RASGRP3: variants seen among roughly 807,000 people sequenced by gnomAD.
RASGRP3 encodes RAS guanyl releasing protein 3.
In RASGRP3, 54 loss-of-function variants were observed where a neutral mutation model predicts 82.7. The ratio of observed to expected loss-of-function variants is 0.65; its 90% CI spans 0.52 to 0.82. RASGRP3 has a LOEUF of 0.82. Among genes scored for constraint, RASGRP3 ranks in the 40% least tolerant of loss-of-function variants. RASGRP3 has a pLI of 0.00. For synonymous variants in RASGRP3, 309 were observed against 300.5 expected (o/e 1.03, Z -0.29); for missense variants, 861 against 828.9 (o/e 1.04, Z -0.48).
chr2:33,510,432 A>T (rs1393026592), intron 1 of RASGRP3, among the ~76,000 whole-genome samples: 2 of 152,198 alleles, frequency 1.3e-5, no homozygotes, highest in African/African-American at 4.8e-5. Context: ...GACAGTCATG[A>T]CCTAACTTTG....
intron 1 of RASGRP3, among the ~76,000 whole-genome samples, chr2:33,477,765 T>C (rs934962658): frequency 1.3e-5 from 2 of 152,154 alleles, no homozygotes; most frequent in African/African-American, 4.8e-5. Context: ...GACGTAAAGC[T>C]CTGAAAGTGA....
At chr2:33,515,350 TC>T in intron 3 of RASGRP3, 144 bp downstream of exon 3, 1 of 755,676 alleles carries the variant, frequency 1.3e-6, no homozygotes, top group South Asian at 1.7e-5. Flanking sequence ...GGTCTGTCTC[TC>T]CAGTTTCACT....
intron 1 of RASGRP3, among the ~76,000 whole-genome samples, chr2:33,507,620 G>C (rs1451202173): frequency 6.6e-6 from 1 of 152,200 alleles, no homozygotes; most frequent in African/African-American, 2.4e-5. Flanking sequence ...CCACCTCCCA[G>C]GTTCAGGCGA....
At chr2:33,544,162 A>C (rs1198532941) in intron 13 of RASGRP3, among the ~76,000 whole-genome samples, 2 of 152,066 alleles carry the variant, frequency 1.3e-5, no homozygotes, top group East Asian at 3.9e-4. Context: ...AAAAATACAA[A>C]AATTCACTGG....
chr2:33,450,818 C>CTTTCTTTTTT (rs1254890495), intron 2 of RASGRP3, among the ~76,000 whole-genome samples: 1 of 43,420 alleles, frequency 2.3e-5, no homozygotes, highest in East Asian at 6.7e-4. Flanking sequence ...CTCTTTCTTT[C>CTTTCTTTTTT]TTTCTTTTTT....
chr2:33,532,991 C>G (rs184004087), intron 10 of RASGRP3: 1 of 152,214 alleles, frequency 6.6e-6, no homozygotes, highest in Admixed American at 6.5e-5. Flanking sequence ...CTCTGGCTTC[C>G]TCCTTCTTTC....
chr2:33,542,248 T>G (rs1574467406), intron 12 of RASGRP3, among the ~76,000 whole-genome samples: 1 of 147,646 alleles, frequency 6.8e-6, no homozygotes, highest in East Asian at 1.9e-4. Flanking sequence ...AAAGATACTT[T>G]TTGATAAATT....
chr2:33,523,104 G>A (rs752528920), intron 7 of RASGRP3, among the ~76,000 whole-genome samples: 4 of 151,852 alleles, frequency 2.6e-5, no homozygotes, highest in Admixed American at 6.6e-5. Flanking sequence ...TTATATTTAC[G>A]TTCATTTCCT....
At chr2:33,510,187 G>A (rs929962881) in intron 1 of RASGRP3, among the ~76,000 whole-genome samples, 43 of 152,222 alleles carry the variant, frequency 2.8e-4, no homozygotes, top group African/African-American at 9.9e-4. Flanking sequence ...ACTGCCATTG[G>A]CAGGGAAGGA....
intron 2 of RASGRP3, among the ~76,000 whole-genome samples, chr2:33,455,736 CTA>C (rs1297786884): frequency 6.6e-6 from 1 of 152,146 alleles, no homozygotes; most frequent in East Asian, 1.9e-4. Context: ...TTTGCAGACT[CTA>C]TGAAAGAACG....
intron 1 of RASGRP3, among the ~76,000 whole-genome samples, chr2:33,447,147 C>A (rs1168512290): frequency 1.3e-5 from 2 of 150,598 alleles, no homozygotes; most frequent in Non-Finnish European, 2.9e-5. Flanking sequence ...GTGACCAAGT[C>A]AGGCATGAAT....
In RASGRP3 at chr2:33,509,217, A is replaced by G. The variant is rs545573231; in HGVS notation, c.-260-2493A>G. 7.9e-5 allele frequency among the ~76,000 whole-genome samples: 12 copies of G among 152,210 alleles called. No homozygotes were observed. In the South Asian group the frequency reaches 1.0e-3, roughly 13 times the overall value. On this transcript the variant is annotated intron_variant, in intron 1 of 17. Transcript: ENST00000403687. ...GGAGTTCGAGACCAGCCTGGCCGAC[A>G]TGGGGAAATGTCCGTTTCTACTAAA...
At chr2:33,517,408 G>A (rs553450629) in intron 4 of RASGRP3, among the ~76,000 whole-genome samples, 1 of 152,306 alleles carries the variant, frequency 6.6e-6, no homozygotes, top group African/African-American at 2.4e-5. Flanking sequence ...ATGAGGCCCT[G>A]GAGATGAGTG....
chr2:33,530,787 T>A (rs1673045460), intron 10 of RASGRP3: 1 of 152,240 alleles, frequency 6.6e-6, no homozygotes, highest in Admixed American at 6.5e-5. Context: ...GCCCCTTGAA[T>A]ACGGCACCAG....
At position 33,515,070 on chromosome 2, in the gene RASGRP3, A is replaced by G. The variant is rs1574393741; in HGVS notation, c.-67A>G. On this transcript the variant is annotated 5_prime_UTR_variant, in exon 3 of 18. The change abolishes an upstream ATG in the 5' untranslated region. Transcript: ENST00000403687. The stretch of plus-strand genomic sequence containing the variant: ...CTAGGCACTAACATCGCTGACTTGC[A>G]TGATTATGGAGATGGTCTATCTGAT... The G allele has an allele frequency of 2.7e-6, 4 of 1,472,620 alleles. No homozygotes were observed. In the South Asian group the frequency reaches 3.4e-5, roughly 13 times the overall value. The allele number at this position is 1,472,620 out of a possible 1,614,324, so 91.2% of individuals were successfully genotyped here. A position where few individuals can be genotyped will look rare whatever the true frequency, so the allele number is the denominator to read the frequency against.
At position 33,491,066 on chromosome 2, in the gene RASGRP3, A is replaced by G. The variant is rs113062062; in HGVS notation, c.-261+14359A>G. 7.0e-3 allele frequency among the ~76,000 whole-genome samples: 1,069 copies of G among 152,358 alleles called. 13 individuals are homozygous for G. Among genetic ancestry groups the G allele is most frequent in the African/African-American group, 0.024 (1,017 of 41,592 alleles). ...CACGGTGGTTCATGCCTGTAATCCC[A>G]GCACTTTGGGAGGCCGAGGCAGGCG... On this transcript the variant is annotated intron_variant, in intron 1 of 17. Coordinates refer to ENST00000403687, the MANE Select transcript of RASGRP3 (RefSeq NM_001139488.2).
chr2:33,559,004 G>A lies in RASGRP3; in HGVS notation c.2038G>A (p.Gly680Arg). The A allele has an allele frequency of 1.2e-6, 2 of 1,612,152 alleles. No individual in the cohort carries two copies. Among genetic ancestry groups the A allele is most frequent in the Non-Finnish European group, 1.7e-6 (2 of 1,179,232 alleles). The change falls in exon 17 of 18, where the codon GGA becomes AGA. Residue 680 changes from glycine to arginine, a missense_variant. By Grantham distance (125) the Gly-to-Arg change is moderately radical (BLOSUM62 -2). Coordinates refer to ENST00000403687, the MANE Select transcript of RASGRP3 (RefSeq NM_001139488.2). ...GGAGTTTGAACTTGACCAGGATGAAGGAGAAGAGACCAGACAGGATGGTGA... is the reference window on the plus strand; with the variant it reads ...GGAGTTTGAACTTGACCAGGATGAAAGAGAAGAGACCAGACAGGATGGTGA... Reference protein sequence around the residue: ...GTEFELDQDEGEETRQDGEDG With the variant: ...GTEFELDQDEREETRQDGEDG
chr2:33,458,650 G>A (rs899161502), intron 2 of RASGRP3, among the ~76,000 whole-genome samples: 3 of 152,250 alleles, frequency 2.0e-5, no homozygotes, highest in Non-Finnish European at 4.4e-5. Context: ...GTGGAAGAGC[G>A]GGCTCTTCAG....
chr2:33,492,196 A>G (rs1046704748), intron 1 of RASGRP3, among the ~76,000 whole-genome samples: 2 of 152,214 alleles, frequency 1.3e-5, no homozygotes, highest in Non-Finnish European at 2.9e-5. Context: ...AGGTAATAAA[A>G]AATGACATCG....
Sources: allele counts gnomAD v4.1 joint callset (sites outside exome capture counted in the v4.1 genomes callset), GRCh38; gene constraint gnomAD v4.1.1; transcripts MANE v1.5; gene names NCBI Gene and HGNC (gene_info 2026-07-23, HGNC 2026-07-21).